QTMAN: variants seen among roughly 807,000 people sequenced by gnomAD.
QTMAN encodes the protein tRNA-queuosine alpha-mannosyltransferase.
the QTMAN span, among the ~76,000 whole-genome samples, chr2:144,164,946 A>T: frequency 6.6e-6 from 1 of 152,212 alleles, no homozygotes; most frequent in Non-Finnish European, 1.5e-5. Flanking sequence ...AATTCAGTGC[A>T]AATGATATTT....
the QTMAN span, among the ~76,000 whole-genome samples, chr2:144,030,425 T>G: frequency 6.6e-6 from 1 of 152,344 alleles, no homozygotes; most frequent in East Asian, 1.9e-4. Flanking sequence ...TATTGTTGAC[T>G]ACTTATCAAC....
the QTMAN span, among the ~76,000 whole-genome samples, chr2:144,032,657 A>G: frequency 1.3e-5 from 2 of 152,240 alleles, no homozygotes; most frequent in African/African-American, 4.8e-5. Flanking sequence ...AAACTGGAGA[A>G]GAAGTACATA....
the QTMAN span, among the ~76,000 whole-genome samples, chr2:144,327,582 T>C: frequency 7.9e-5 from 12 of 152,206 alleles, no homozygotes; most frequent in Non-Finnish European, 1.8e-4. Flanking sequence ...CAGGGTGTCC[T>C]AGAGTCCCTC....
At chr2:143,979,200 T>C in the QTMAN span, among the ~76,000 whole-genome samples, 1 of 149,234 alleles carries the variant, frequency 6.7e-6, no homozygotes, top group South Asian at 2.1e-4. Context: ...GGCTCAGTGG[T>C]AGAGAAAGGA....
the QTMAN span, among the ~76,000 whole-genome samples, chr2:144,201,522 T>C: frequency 6.6e-6 from 1 of 152,224 alleles, no homozygotes; most frequent in Non-Finnish European, 1.5e-5. Context: ...AATCAGGGAT[T>C]ATTTAATCAA....
At chr2:144,163,676 G>A in the QTMAN span, among the ~76,000 whole-genome samples, 1 of 152,094 alleles carries the variant, frequency 6.6e-6, no homozygotes, top group Non-Finnish European at 1.5e-5. Context: ...GCCAGAGACT[G>A]GTTTTAAAGG....
the QTMAN span, among the ~76,000 whole-genome samples, chr2:144,218,915 T>TAAAAAAAAAAAAAAAAAA: frequency 1.8e-5 from 1 of 54,606 alleles, no homozygotes; most frequent in African/African-American, 5.6e-5. Flanking sequence ...GGAAAGTATC[T>TAAAAAAAAAAAAAAAAAA]AAAAAAAAAA....
the QTMAN span, among the ~76,000 whole-genome samples, chr2:144,252,258 C>A: frequency 2.0e-5 from 3 of 151,826 alleles, no homozygotes; most frequent in Non-Finnish European, 4.4e-5. Context: ...ACCTGTAGTC[C>A]CAGTTATTGG....
At chr2:144,214,317 C>T in the QTMAN span, among the ~76,000 whole-genome samples, 1 of 152,052 alleles carries the variant, frequency 6.6e-6, no homozygotes, top group Non-Finnish European at 1.5e-5. Context: ...ACCTCTAAAA[C>T]CTGAATATAA....
the QTMAN span, among the ~76,000 whole-genome samples, chr2:144,085,494 C>T: frequency 1.3e-5 from 2 of 152,130 alleles, no homozygotes; most frequent in African/African-American, 2.4e-5. Flanking sequence ...CAAGGCTTAG[C>T]TTAGAGGGTA....
At chr2:144,107,302 A>C in the QTMAN span, among the ~76,000 whole-genome samples, 1 of 152,244 alleles carries the variant, frequency 6.6e-6, no homozygotes, top group Non-Finnish European at 1.5e-5. Flanking sequence ...CCTTCAAAAA[A>C]TCAATGAATG....
At chr2:144,313,174 C>T in the QTMAN span, among the ~76,000 whole-genome samples, 2 of 152,158 alleles carry the variant, frequency 1.3e-5, no homozygotes, top group East Asian at 3.8e-4. Flanking sequence ...AAAACTAACT[C>T]CCCACTAGAT....
the QTMAN span, among the ~76,000 whole-genome samples, chr2:144,033,719 C>G: frequency 6.6e-6 from 1 of 152,132 alleles, no homozygotes; most frequent in South Asian, 2.1e-4. Flanking sequence ...CTCGGTCAAC[C>G]AGCCCCTCCT....
At chr2:144,047,749 T>C in the QTMAN span, among the ~76,000 whole-genome samples, 8 of 152,228 alleles carry the variant, frequency 5.3e-5, no homozygotes, top group Non-Finnish European at 7.3e-5. Flanking sequence ...ATTACTATTA[T>C]GGTTAGAAAG....
the QTMAN span, among the ~76,000 whole-genome samples, chr2:144,050,926 G>C: frequency 6.6e-6 from 1 of 152,122 alleles, no homozygotes; most frequent in African/African-American, 2.4e-5. Context: ...GTAGTTGGTT[G>C]AATCATGAAT....
chr2:144,117,839 T>C, the QTMAN span, among the ~76,000 whole-genome samples: 1 of 152,104 alleles, frequency 6.6e-6, no homozygotes, highest in African/African-American at 2.4e-5. Flanking sequence ...AATTTATTTA[T>C]TCATTTATTT....
chr2:144,035,970 A>C, the QTMAN span, among the ~76,000 whole-genome samples: 2 of 152,146 alleles, frequency 1.3e-5, no homozygotes, highest in African/African-American at 4.8e-5. Flanking sequence ...GTATCTTTCT[A>C]TTAAACTAAT....
At chr2:144,327,593 A>G in the QTMAN span, among the ~76,000 whole-genome samples, 8 of 152,314 alleles carry the variant, frequency 5.3e-5, no homozygotes, top group Admixed American at 4.6e-4. Flanking sequence ...AGAGTCCCTC[A>G]TGCAAATGAA....
At chr2:144,068,253 T>C in the QTMAN span, among the ~76,000 whole-genome samples, 4 of 152,152 alleles carry the variant, frequency 2.6e-5, no homozygotes, top group African/African-American at 9.7e-5. Context: ...AAGGCCTAAT[T>C]TTGCAATCAG....
Sources: gnomAD v4.1 joint callset for allele counts (sites outside exome capture counted in the v4.1 genomes callset) on GRCh38, gnomAD v4.1.1 for gene constraint, MANE v1.5 for transcripts, NCBI Gene and HGNC (gene_info 2026-07-23, HGNC 2026-07-21) for gene names.